SH3TC2: variants seen among roughly 807,000 people sequenced by gnomAD.
SH3TC2 encodes SH3 domain and tetratricopeptide repeat-containing protein 2.
In SH3TC2, 87 loss-of-function variants were observed where a neutral mutation model predicts 124.5. The ratio of observed to expected loss-of-function variants is 0.70; its 90% CI spans 0.59 to 0.84. The LOEUF (loss-of-function observed/expected upper bound fraction) is 0.84. SH3TC2 is among the 40% of genes least tolerant of loss of function. SH3TC2 has a pLI of 0.00. For missense variants in SH3TC2, 1,536 were observed against 1,566.4 expected (o/e 0.98, Z 0.33); for synonymous variants, 634 against 628.5 (o/e 1.01, Z -0.13).
In SH3TC2 at chr5:148,998,586, T is replaced by A. The variant is rs1180112817; in HGVS notation, c.*6125A>T. 6.6e-6 allele frequency among the ~76,000 whole-genome samples: 1 copy of A among 152,208 alleles called. No individual in the cohort carries two copies. Among genetic ancestry groups the A allele is most frequent in the Non-Finnish European group, 1.5e-5 (1 of 68,042 alleles). Reference sequence around the variant, plus strand: ...TTGAAATCGTTTTGAAAGCACAGCATCCTTCCCTCTCACCTGCCTCGCAGT... The same window carrying A: ...TTGAAATCGTTTTGAAAGCACAGCAACCTTCCCTCTCACCTGCCTCGCAGT... On this transcript the variant is annotated 3_prime_UTR_variant, in exon 17 of 17. Transcript: ENST00000515425.
intron 8 of SH3TC2, among the ~76,000 whole-genome samples, chr5:149,034,844 G>A (rs1754256511): frequency 6.6e-6 from 1 of 152,142 alleles, no homozygotes; most frequent in African/African-American, 2.4e-5. Flanking sequence ...ACAAGGCCCT[G>A]GCAACATGGA....
chr5:149,027,128 C>A lies in SH3TC2; in HGVS notation c.2604G>T (p.Glu868Asp). 6.2e-7 allele frequency: 1 copy of A among 1,614,144 alleles called. No homozygotes were observed. The highest frequency in any genetic ancestry group is 8.5e-7 in the Non-Finnish European group (1 of 1,180,002). ...SYLRALNRAQ[E>D]VGDVHNQAVA... ...CTGCCTGGTTATGCACATCTCCCAC[C>A]TCCTGGGCTCTGTTCAAGGCCCGAA... The change falls in exon 11 of 17, where the codon GAG (glutamate) becomes GAT (aspartate). Residue 868 changes from glutamate (E) to aspartate (D), a missense_variant. Glu to Asp is a conservative substitution (Grantham distance 45). Around this residue, in one of 3 missense-constraint regions of SH3TC2, gnomAD observed 1,102 missense variants for 1,098.6 expected, o/e 1.00. Coordinates refer to ENST00000515425, the MANE Select transcript of SH3TC2 (RefSeq NM_024577.4).
intron 1 of SH3TC2, among the ~76,000 whole-genome samples, chr5:149,056,643 C>G (rs913832572): frequency 1.3e-5 from 2 of 152,098 alleles, no homozygotes; most frequent in Non-Finnish European, 2.9e-5. Flanking sequence ...TGAGAATGCT[C>G]AAGCCAATTC....
chr5:149,036,613 T>G (rs1754287235), intron 8 of SH3TC2, among the ~76,000 whole-genome samples: 1 of 152,188 alleles, frequency 6.6e-6, no homozygotes, highest in Non-Finnish European at 1.5e-5. Context: ...ATGTCAGGAT[T>G]CTAAAGTTCC....
intron 12 of SH3TC2, 146 bp downstream of exon 12, chr5:149,026,426 C>T (rs1020190300): frequency 3.4e-6 from 3 of 871,836 alleles, no homozygotes; most frequent in Non-Finnish European, 5.5e-6. Flanking sequence ...GTGATGGATG[C>T]ATTGTGGTGG....
At chr5:149,036,680 G>A (rs1327349861) in intron 8 of SH3TC2, among the ~76,000 whole-genome samples, 1 of 152,134 alleles carries the variant, frequency 6.6e-6, no homozygotes, top group Admixed American at 6.5e-5. Flanking sequence ...TTCCCCCTGT[G>A]GTAACATGAA....
chr5:149,058,872 A>G (rs73795768), intron 1 of SH3TC2, among the ~76,000 whole-genome samples: 6,621 of 152,172 alleles, frequency 0.044, 509 homozygotes, highest in African/African-American at 0.15. Context: ...TGGCATAACA[A>G]AAGTGAAAAT....
chr5:149,042,324 C>A (rs998918543), intron 5 of SH3TC2, among the ~76,000 whole-genome samples: 1 of 152,168 alleles, frequency 6.6e-6, no homozygotes, highest in Non-Finnish European at 1.5e-5. Context: ...AATTTTATCA[C>A]GTTTGGAAAA....
At chr5:149,047,749 G>T (rs1192239097) in intron 3 of SH3TC2, 113 bp downstream of exon 3, 2 of 1,321,680 alleles carry the variant, frequency 1.5e-6, no homozygotes, top group African/African-American at 1.4e-5. Flanking sequence ...CTACCTATTA[G>T]ATGTTTTTTC....
chr5:149,025,085 T>C (rs1754041075), intron 12 of SH3TC2, among the ~76,000 whole-genome samples: 1 of 152,140 alleles, frequency 6.6e-6, no homozygotes, highest in African/African-American at 2.4e-5. Context: ...CATATGACTA[T>C]GTCATCTCAA....
At chr5:149,034,157 C>A (rs143490359) in intron 8 of SH3TC2, among the ~76,000 whole-genome samples, 263 of 151,888 alleles carry the variant, frequency 1.7e-3, no homozygotes, top group Non-Finnish European at 3.4e-3. Flanking sequence ...GAAGAAACAG[C>A]CATATATGAA....
chr5:149,034,724 A>C (rs1754254817), intron 8 of SH3TC2, among the ~76,000 whole-genome samples: 1 of 152,188 alleles, frequency 6.6e-6, no homozygotes, highest in African/African-American at 2.4e-5. Flanking sequence ...AAGTAGACAA[A>C]AATAATCAAA....
intron 3 of SH3TC2, chr5:149,047,478 T>C: frequency 7.8e-6 from 2 of 256,254 alleles, no homozygotes; most frequent in South Asian, 9.4e-5. Flanking sequence ...TGGAAAATTT[T>C]ATGTTATGTA....
chr5:149,021,097 A>G (rs1452891993), intron 12 of SH3TC2, among the ~76,000 whole-genome samples: 2 of 152,178 alleles, frequency 1.3e-5, no homozygotes, highest in African/African-American at 4.8e-5. Context: ...TTTTCCCACC[A>G]CAAAGAAATG....
intron 1 of SH3TC2, among the ~76,000 whole-genome samples, chr5:149,053,989 G>A (rs1265601344): frequency 6.6e-6 from 1 of 152,006 alleles, no homozygotes; most frequent in African/African-American, 2.4e-5. Flanking sequence ...AATACAATGG[G>A]GTGACTGTAG....
Position 149,027,824 on chromosome 5 carries a change from G to A in SH3TC2, c.1908C>T (p.Cys636=), listed in dbSNP as rs1424260038. The part of the protein sequence containing the change: ...VGSSPLEARA[C]FLAIRLLLSL... Reference sequence around the variant, plus strand: ...TCAGGAGCAAGCGGATGGCCAGAAAGCAGGCCCTGGCCTCCAGCGGGCTGC... The same window carrying A: ...TCAGGAGCAAGCGGATGGCCAGAAAACAGGCCCTGGCCTCCAGCGGGCTGC... The change falls in exon 11 of 17, where the codon TGC becomes TGT. Residue 636 remains cysteine, a synonymous_variant. Transcript: ENST00000515425. 1 of 1,613,890 alleles carries A rather than the reference G, an allele frequency of 6.2e-7. No homozygotes were observed.
At position 148,995,563 on chromosome 5, in the gene SH3TC2, G is replaced by A. The variant is rs1049315454; in HGVS notation, c.*9148C>T. The stretch of plus-strand genomic sequence containing the variant: ...CTTTTGCTGAATACCTGCTATATAT[G>A]TGAGCAGCCCTATCACCTGATTTCT... On this transcript the variant is annotated 3_prime_UTR_variant, in exon 17 of 17. Transcript: ENST00000515425. 6.6e-6 allele frequency among the ~76,000 whole-genome samples: 1 copy of A among 152,188 alleles called. No individual in the cohort carries two copies. The highest frequency in any genetic ancestry group is 2.4e-5 in the African/African-American group (1 of 41,448).
Position 148,994,730 on chromosome 5 carries a change from G to GGATGGATGGATGAATA in SH3TC2, c.*9980_*9981insTATTCATCCATCCATC, listed in dbSNP as rs1753479847. Among the ~76,000 whole-genome samples, 1 of 151,550 alleles carries GGATGGATGGATGAATA rather than the reference G, an allele frequency of 6.6e-6. No individual in the cohort carries two copies. The highest frequency in any genetic ancestry group is 2.4e-5 in the African/African-American group (1 of 41,218). On this transcript the variant is annotated 3_prime_UTR_variant, in exon 17 of 17. Coordinates refer to ENST00000515425, the MANE Select transcript of SH3TC2 (RefSeq NM_024577.4). ...TGGATGGATGGATGGATGGATGGAT[G>GGATGGATGGATGAATA]GATGGATGAATAGATGGATGAATAG...
Position 149,040,586 on chromosome 5 carries a change from T to C in SH3TC2, c.805+18A>G. 6.2e-7 allele frequency: 1 copy of C among 1,607,888 alleles called. No homozygotes were observed. Among genetic ancestry groups the C allele is most frequent in the Non-Finnish European group, 8.5e-7 (1 of 1,174,382 alleles). On this transcript the variant is annotated intron_variant, in intron 7 of 16. Coordinates refer to ENST00000515425, the MANE Select transcript of SH3TC2 (RefSeq NM_024577.4). ...ACATTATCTCCCTAACAATACTATG[T>C]TTTTGACTCAGCCATACCAATCTGA... is the stretch of plus-strand genomic sequence containing the variant.
Sources: allele counts gnomAD v4.1 joint callset (sites outside exome capture counted in the v4.1 genomes callset), GRCh38; gene constraint gnomAD v4.1.1; regional missense constraint gnomAD v4.1.1; transcripts MANE v1.5; gene names NCBI Gene and HGNC (gene_info 2026-07-23, HGNC 2026-07-21).